Variants in NCOR2 observed in about 807,000 individuals in gnomAD.
NCOR2 encodes the protein CTG repeat protein 26.
NCOR2 carries 81 observed loss-of-function variants against 262.9 expected under a neutral mutation model. That is an observed-to-expected ratio of 0.31 (90% CI 0.26 to 0.37). The LOEUF (loss-of-function observed/expected upper bound fraction) is 0.37, where lower values mean the gene tolerates loss of function less well. NCOR2 is among the 10% of genes least tolerant of loss of function. NCOR2 has a pLI of 1.00. For synonymous variants in NCOR2, 1,659 were observed against 1,559.3 expected (o/e 1.06, Z -1.51); for missense variants, 3,385 against 3,621.4 (o/e 0.93, Z 1.68).
rs1031812437 is a variant in NCOR2 at position 124,389,880 on chromosome 12, C to G, written c.1877-3993G>C. Among the ~76,000 whole-genome samples the G allele has an allele frequency of 3.3e-5, 5 of 152,144 alleles. No individual in the cohort carries two copies. The highest frequency in any genetic ancestry group is 7.3e-5 in the Non-Finnish European group (5 of 68,036). On this transcript the variant is annotated intron_variant, in intron 16 of 46. Transcript: ENST00000405201. The surrounding 1 kb of genome is among the most constrained non-coding windows in gnomAD (Gnocchi z 4.4). ...CCGTGAAGGAACACTGTGGGAAATG[C>G]CGGGGAGCCACCCAGAAGGTTGAAA...
intron 1 of NCOR2, among the ~76,000 whole-genome samples, chr12:124,551,651 G>A (rs907288187): frequency 4.6e-5 from 7 of 152,208 alleles, no homozygotes; most frequent in Admixed American, 4.6e-4. Context: ...ACAAGCCAGT[G>A]GTCCTCCTCG....
intron 1 of NCOR2, among the ~76,000 whole-genome samples, chr12:124,506,448 G>A (rs1045435403): frequency 2.0e-5 from 3 of 152,090 alleles, no homozygotes; most frequent in African/African-American, 4.8e-5. Context: ...CCGCCACGGC[G>A]AAGTATGCTC....
intron 32 of NCOR2, among the ~76,000 whole-genome samples, chr12:124,343,800 G>C (rs989788032): frequency 6.6e-6 from 1 of 151,970 alleles, no homozygotes; most frequent in Non-Finnish European, 1.5e-5. Context: ...TTATTTTTTT[G>C]TATTTTTAGT....
intron 6 of NCOR2, among the ~76,000 whole-genome samples, chr12:124,451,218 C>T (rs961480153): frequency 4.6e-5 from 7 of 152,240 alleles, no homozygotes; most frequent in African/African-American, 1.7e-4. Context: ...TGATCTACAA[C>T]GCCGGCCCCC....
upstream of NCOR2, among the ~76,000 whole-genome samples, chr12:124,536,050 T>A (rs373559160): frequency 6.6e-6 from 1 of 152,162 alleles, no homozygotes; most frequent in East Asian, 1.9e-4. Flanking sequence ...ACTATTCTCA[T>A]GCAAGAATTT....
chr12:124,465,424 G>A (rs1402828636), intron 5 of NCOR2, among the ~76,000 whole-genome samples: 2 of 152,190 alleles, frequency 1.3e-5, no homozygotes, highest in Non-Finnish European at 2.9e-5. Context: ...CCTTGGGGGT[G>A]CACAGACCCT....
intron 1 of NCOR2, among the ~76,000 whole-genome samples, chr12:124,546,928 C>T (rs1302265097): frequency 6.6e-6 from 1 of 152,146 alleles, no homozygotes; most frequent in East Asian, 1.9e-4. Context: ...TGAACAATGG[C>T]CCCAAAGCAC....
At chr12:124,459,082 A>T (rs2046029934) in intron 5 of NCOR2, among the ~76,000 whole-genome samples, 2 of 152,200 alleles carry the variant, frequency 1.3e-5, no homozygotes, top group Non-Finnish European at 2.9e-5. Flanking sequence ...TCAGGCAGAT[A>T]AAGGTATGTG....
chr12:124,562,403 T>G (rs1451839807), intron 1 of NCOR2: 2 of 152,112 alleles, frequency 1.3e-5, no homozygotes, highest in Non-Finnish European at 2.9e-5. Context: ...GGCCAGAAGG[T>G]CAGAGGCTTC....
intron 1 of NCOR2, among the ~76,000 whole-genome samples, chr12:124,512,359 C>T (rs535490477): frequency 4.6e-5 from 7 of 152,312 alleles, no homozygotes; most frequent in Admixed American, 2.6e-4. Context: ...CCTTGGCTTG[C>T]GGCTTCAGCC....
intron 18 of NCOR2, among the ~76,000 whole-genome samples, chr12:124,376,043 C>T (rs1272911653): frequency 1.3e-5 from 2 of 152,164 alleles, no homozygotes; most frequent in Non-Finnish European, 2.9e-5. Flanking sequence ...CCGAGCCTAC[C>T]GGCTATGTGC....
chr12:124,466,355 GC>G, intron 4 of NCOR2, 69 bp from the exon 7 acceptor site: 1 of 1,432,544 alleles, frequency 7.0e-7, no homozygotes, highest in Non-Finnish European at 9.6e-7. Flanking sequence ...AGCCCCCAGG[GC>G]GCGGGGAGGC....
At chr12:124,491,085 C>A (rs1389596028) in intron 1 of NCOR2, among the ~76,000 whole-genome samples, 1 of 152,234 alleles carries the variant, frequency 6.6e-6, no homozygotes, top group East Asian at 1.9e-4. Flanking sequence ...CACTCCCTTA[C>A]ACCCTGGCTG....
intron 8 of NCOR2, among the ~76,000 whole-genome samples, chr12:124,431,423 GAC>G (rs1275167724): frequency 1.3e-5 from 2 of 148,198 alleles, no homozygotes; most frequent in African/African-American, 2.5e-5. Flanking sequence ...CAGACAGACA[GAC>G]ACACAGTCAC....
intron 1 of NCOR2, among the ~76,000 whole-genome samples, chr12:124,507,572 G>A (rs1041195409): frequency 6.6e-6 from 1 of 152,128 alleles, no homozygotes; most frequent in Non-Finnish European, 1.5e-5. Flanking sequence ...ACCCCATGAC[G>A]GCCACAGGGC....
chr12:124,560,650 C>A (rs977791017), intron 1 of NCOR2, among the ~76,000 whole-genome samples: 1 of 152,126 alleles, frequency 6.6e-6, no homozygotes, highest in Middle Eastern at 3.2e-3. Context: ...TTAAAGGGAA[C>A]GCACACATAC....
intron 16 of NCOR2, among the ~76,000 whole-genome samples, chr12:124,387,707 C>T (rs1028151281): frequency 6.6e-6 from 1 of 152,254 alleles, no homozygotes; most frequent in Non-Finnish European, 1.5e-5. Flanking sequence ...GGCCCCTGAC[C>T]TTTCCCTCCG....
At chr12:124,561,794 T>A (rs2052082438) in intron 1 of NCOR2, 1 of 152,304 alleles carries the variant, frequency 6.6e-6, no homozygotes, top group Non-Finnish European at 1.5e-5. Flanking sequence ...GGCGGGAGGA[T>A]CACTTGAGCC....
chr12:124,505,165 C>T (rs1034328466), intron 1 of NCOR2, among the ~76,000 whole-genome samples: 1 of 152,322 alleles, frequency 6.6e-6, no homozygotes, highest in Admixed American at 6.5e-5. Flanking sequence ...TACTCAGCTA[C>T]CTTTGTTTAC....
Sources: allele counts gnomAD v4.1 joint callset (sites outside exome capture counted in the v4.1 genomes callset), GRCh38; gene constraint gnomAD v4.1.1; non-coding constraint Gnocchi (gnomAD v3.1); transcripts MANE v1.5; gene names NCBI Gene and HGNC (gene_info 2026-07-23, HGNC 2026-07-21).